Variants in GRXCR2 observed in about 807,000 individuals in gnomAD.
The protein encoded by GRXCR2 is glutaredoxin and cysteine rich domain containing 2.
Under a neutral mutation model 24.8 loss-of-function variants are expected in GRXCR2, and 23 were observed. The ratio of observed to expected loss-of-function variants is 0.93; its 90% confidence interval spans 0.67 to 1.32. The LOEUF (loss-of-function observed/expected upper bound fraction) is 1.32, where lower values mean the gene tolerates loss of function less well. Among genes scored for constraint, GRXCR2 ranks in the 40% most tolerant of loss-of-function variants. The pLI is 0.00. For missense variants in GRXCR2, 315 were observed against 303.4 expected, an observed-to-expected ratio of 1.04 and a Z score of -0.28; for synonymous variants, 130 against 116.1, an observed-to-expected ratio of 1.12 and a Z score of -0.77.
chr5:145,868,388 G>C (rs2149910533), intron 1 of GRXCR2, among the ~76,000 whole-genome samples: 1 of 152,218 alleles, frequency 6.6e-6, no homozygotes, highest in African/African-American at 2.4e-5. Flanking sequence ...TCAATATTCA[G>C]GCTCTCTTTC....
chr5:145,864,584 A>G (rs1254084010), intron 2 of GRXCR2, among the ~76,000 whole-genome samples: 2 of 152,128 alleles, frequency 1.3e-5, no homozygotes, highest in African/African-American at 4.8e-5. Context: ...AGTTCTCACC[A>G]GAGCTGGTGG....
chr5:145,866,134 C>CAAAAAA (rs71581841), intron 2 of GRXCR2, among the ~76,000 whole-genome samples: 1 of 85,866 alleles, frequency 1.2e-5, no homozygotes, highest in Non-Finnish European at 2.8e-5. Context: ...AACTCCTTCT[C>CAAAAAA]AAAAAAAAAA....
chr5:145,896,503 A>C (rs1756951342), intron 2 of GRXCR2, among the ~76,000 whole-genome samples: 1 of 152,258 alleles, frequency 6.6e-6, no homozygotes, highest in African/African-American at 2.4e-5. Flanking sequence ...AAAAGAAGAC[A>C]TTCATGCAGC....
intron 2 of GRXCR2, among the ~76,000 whole-genome samples, chr5:145,878,638 G>A (rs962082624): frequency 1.2e-4 from 19 of 152,180 alleles, no homozygotes; most frequent in African/African-American, 4.3e-4. Flanking sequence ...ATATCATCCA[G>A]GAGAACTTCC....
intron 2 of GRXCR2, among the ~76,000 whole-genome samples, chr5:145,910,156 G>A (rs1013552278): frequency 6.6e-6 from 1 of 152,122 alleles, no homozygotes; most frequent in Non-Finnish European, 1.5e-5. Context: ...GGTTCCAGAG[G>A]GAAAATGCCA....
intron 2 of GRXCR2, among the ~76,000 whole-genome samples, chr5:145,889,227 AGAAAG>A: frequency 6.7e-6 from 1 of 150,302 alleles, no homozygotes; most frequent in East Asian, 2.0e-4. Context: ...AAAGAAAGAA[AGAAAG>A]AAAGAAAGAA....
At chr5:145,923,560 C>G (rs1445292242) in intron 2 of GRXCR2, among the ~76,000 whole-genome samples, 1 of 152,114 alleles carries the variant, frequency 6.6e-6, no homozygotes, top group African/African-American at 2.4e-5. Context: ...GACCTGCCAC[C>G]AGGTTAGCAA....
At position 145,929,199 on chromosome 5, in the gene GRXCR2, C is replaced by CTATATATATATATATATATATA. The variant is rs72283862; in HGVS notation, c.-70+6480_-70+6501dup. ...TTTAATAGTTGTATAATATTCCCCC[C>CTATATATATATATATATATATA]TATATATATATATATATATATATAT... is the stretch of plus-strand genomic sequence containing the variant. On this transcript the variant is annotated intron_variant, in intron 2 of 3. Transcript: ENST00000639411. 2.0e-4 allele frequency among the ~76,000 whole-genome samples: 23 copies of CTATATATATATATATATATATA among 116,472 alleles called. 1 individual carries two copies. Among genetic ancestry groups the CTATATATATATATATATATATA allele is most frequent in the African/African-American group, 5.7e-4 (18 of 31,662 alleles). 76.4% of individuals were successfully genotyped at this position (116,472 alleles called of 152,430 possible).
intron 1 of GRXCR2, among the ~76,000 whole-genome samples, chr5:145,870,018 C>T (rs1460001075): frequency 1.3e-5 from 2 of 152,080 alleles, no homozygotes; most frequent in Non-Finnish European, 2.9e-5. Flanking sequence ...TCAGGTTTGA[C>T]AGGTATCAAA....
chr5:145,921,280 A>G (rs1220629168), intron 2 of GRXCR2, among the ~76,000 whole-genome samples: 1 of 152,112 alleles, frequency 6.6e-6, no homozygotes, highest in East Asian at 1.9e-4. Flanking sequence ...CATTCATTAG[A>G]TATATATGTG....
At chr5:145,862,423 C>T (rs1756354091) in intron 2 of GRXCR2, among the ~76,000 whole-genome samples, 1 of 152,188 alleles carries the variant, frequency 6.6e-6, no homozygotes, top group African/African-American at 2.4e-5. Flanking sequence ...CCTCAACATG[C>T]TCTTTTTAAT....
chr5:145,903,064 T>C (rs1444131170), intron 2 of GRXCR2, among the ~76,000 whole-genome samples: 5 of 152,168 alleles, frequency 3.3e-5, no homozygotes, highest in Non-Finnish European at 5.9e-5. Context: ...AAGCACTGAC[T>C]AAATACTTTC....
intron 2 of GRXCR2, among the ~76,000 whole-genome samples, chr5:145,891,520 G>A (rs1176519987): frequency 1.3e-5 from 2 of 152,206 alleles, no homozygotes; most frequent in African/African-American, 2.4e-5. Context: ...CTACGCCCAC[G>A]GAGCCTTGCT....
rs554533547 is a variant in GRXCR2 at position 145,926,691 on chromosome 5, C to G, written c.-70+9010G>C. Among the ~76,000 whole-genome samples the G allele has an allele frequency of 7.6e-4, 116 of 152,104 alleles. No homozygotes were observed. The Middle Eastern group carries it at 0.01, about 13-fold the overall frequency. On this transcript the variant is annotated intron_variant, in intron 2 of 3. Transcript: ENST00000639411. ...CCTCCAGCTTTGTTCTTTTGGCTTA[C>G]GATTGACTTGGCAATGCAGGCTCTT...
At chr5:145,922,891 G>T (rs1473989702) in intron 2 of GRXCR2, among the ~76,000 whole-genome samples, 1 of 152,214 alleles carries the variant, frequency 6.6e-6, no homozygotes, top group Non-Finnish European at 1.5e-5. Context: ...CTAATGTAAG[G>T]CCAGTGTAAG....
At chr5:145,882,632 G>T (rs1380096779) in intron 2 of GRXCR2, among the ~76,000 whole-genome samples, 1 of 152,142 alleles carries the variant, frequency 6.6e-6, no homozygotes, top group African/African-American at 2.4e-5. Context: ...CAAGGATCTA[G>T]AACTAGAATT....
At chr5:145,892,732 C>G (rs1325783375) in intron 2 of GRXCR2, among the ~76,000 whole-genome samples, 2 of 152,156 alleles carry the variant, frequency 1.3e-5, no homozygotes, top group African/African-American at 4.8e-5. Context: ...AGGAAAACTT[C>G]CCCAATCTAG....
intron 2 of GRXCR2, among the ~76,000 whole-genome samples, chr5:145,863,785 C>T (rs1481838893): frequency 6.6e-6 from 1 of 152,160 alleles, no homozygotes; most frequent in Non-Finnish European, 1.5e-5. Flanking sequence ...CCACACCCGG[C>T]CCAGGCTAGG....
chr5:145,917,525 C>T (rs1199825430), intron 2 of GRXCR2, among the ~76,000 whole-genome samples: 2 of 152,130 alleles, frequency 1.3e-5, no homozygotes. Context: ...GTCCTGTGCT[C>T]AGTGCTGGAC....
Sources: allele counts gnomAD v4.1 joint callset (sites outside exome capture counted in the v4.1 genomes callset), GRCh38; gene constraint gnomAD v4.1.1; transcripts MANE v1.5; gene names NCBI Gene and HGNC (gene_info 2026-07-23, HGNC 2026-07-21).